The following ZMYM2 variants were observed in gnomAD, a reference collection of about 807,000 sequenced individuals.
ZMYM2 encodes the protein zinc finger MYM-type containing 2.
ZMYM2 carries 56 observed loss-of-function variants against 162.8 expected under a neutral mutation model. The ratio of observed to expected loss-of-function variants is 0.34; its 90% CI spans 0.28 to 0.43. ZMYM2 has a LOEUF of 0.43. Among genes scored for constraint, ZMYM2 ranks in the 20% least tolerant of loss-of-function variants. The probability of loss-of-function intolerance (pLI) is 1.00; values close to 1 mark genes in which losing one functional copy is unlikely to be tolerated. For synonymous variants in ZMYM2, 510 were observed against 541.6 expected (o/e 0.94, Z 0.81); for missense variants, 1,275 against 1,621.8 (o/e 0.79, Z 3.67).
intron 2 of ZMYM2, among the ~76,000 whole-genome samples, chr13:19,982,318 C>T (rs917861941): frequency 1.8e-5 from 2 of 114,194 alleles, no homozygotes; most frequent in Admixed American, 1.4e-4. Context: ...GACAGAGTCT[C>T]GCTCTGTCAC....
Position 20,056,483 on chromosome 13 carries a change from C to T in ZMYM2, c.2494-2092C>T, listed in dbSNP as rs182830011. ...AGACAGGGCATTTTAAAGGCTTTCA[C>T]GGTGTACCACATGAGGGAGCTTTGT... On this transcript the variant is annotated intron_variant, in intron 14 of 24. Transcript: ENST00000610343. Among the ~76,000 whole-genome samples the T allele has an allele frequency of 2.6e-3, 389 of 152,250 alleles. 1 individual carries two copies. Among genetic ancestry groups the T allele is most frequent in the Middle Eastern group, 6.8e-3 (2 of 294 alleles).
upstream of ZMYM2, among the ~76,000 whole-genome samples, chr13:19,955,343 G>A (rs906400799): frequency 7.9e-5 from 12 of 152,020 alleles, no homozygotes; most frequent in African/African-American, 2.2e-4. Flanking sequence ...ATGTATGCTC[G>A]TTTCACCCCC....
the ZMYM2 span, among the ~76,000 whole-genome samples, chr13:19,871,540 A>T: frequency 3.3e-5 from 5 of 152,030 alleles, no homozygotes; most frequent in African/African-American, 9.7e-5. Context: ...TGGGACTACA[A>T]GCACGTGCCA....
At chr13:19,922,723 A>C in the ZMYM2 span, among the ~76,000 whole-genome samples, 12 of 152,114 alleles carry the variant, frequency 7.9e-5, no homozygotes, top group Non-Finnish European at 1.2e-4. Context: ...GGGCGCCTGT[A>C]GTCCCAGCTA....
intron 16 of ZMYM2, among the ~76,000 whole-genome samples, chr13:20,060,556 T>TA (rs1956153697): frequency 6.6e-6 from 1 of 152,038 alleles, no homozygotes; most frequent in Admixed American, 6.6e-5. Context: ...CACATGCCTG[T>TA]AATCCCAGCT....
chr13:20,066,167 T>G (rs1400933532), intron 19 of ZMYM2, among the ~76,000 whole-genome samples: 1 of 152,240 alleles, frequency 6.6e-6, no homozygotes, highest in African/African-American at 2.4e-5. Context: ...TTTTTTCTTT[T>G]CTAATTTCAT....
intron 3 of ZMYM2, among the ~76,000 whole-genome samples, chr13:19,997,210 A>T (rs749182278): frequency 6.6e-6 from 1 of 152,160 alleles, no homozygotes; most frequent in Non-Finnish European, 1.5e-5. Context: ...ATAAGTTTTA[A>T]TGGCTACACA....
chr13:19,997,725 ATGT>A (rs773918080), intron 3 of ZMYM2, among the ~76,000 whole-genome samples: 15 of 152,160 alleles, frequency 9.9e-5, no homozygotes, highest in South Asian at 4.1e-4. Context: ...AAAGAAAATA[ATGT>A]TGTCTTACCG....
chr13:19,886,881 C>T, the ZMYM2 span, among the ~76,000 whole-genome samples: 202 of 151,488 alleles, frequency 1.3e-3, 5 homozygotes, highest in African/African-American at 4.5e-3. Context: ...TGGCTGGTCT[C>T]GGACTCTTGG....
chr13:19,987,770 C>T (rs970590603), intron 2 of ZMYM2, among the ~76,000 whole-genome samples: 3 of 151,682 alleles, frequency 2.0e-5, no homozygotes, highest in South Asian at 2.1e-4. Flanking sequence ...CGTGAGCCAC[C>T]GTGCCCAGCC....
At chr13:19,922,337 C>T in the ZMYM2 span, among the ~76,000 whole-genome samples, 1 of 152,088 alleles carries the variant, frequency 6.6e-6, no homozygotes, top group Admixed American at 6.6e-5. Context: ...CATGGTTAAG[C>T]TATAGGGTGA....
chr13:19,950,089 T>C, the ZMYM2 span, among the ~76,000 whole-genome samples: 9 of 151,638 alleles, frequency 5.9e-5, no homozygotes, highest in Non-Finnish European at 1.3e-4. Context: ...CCTGGACTGT[T>C]AACATAGTGA....
chr13:20,056,295 TC>T (rs1379034014), intron 14 of ZMYM2, among the ~76,000 whole-genome samples: 1 of 152,196 alleles, frequency 6.6e-6, no homozygotes. Context: ...TTTCATTGCT[TC>T]ATCCTAGAAG....
upstream of ZMYM2, among the ~76,000 whole-genome samples, chr13:19,954,126 A>ATTTATTTTTTTTTTTTTTTTTT (rs1954471705): frequency 1.5e-5 from 1 of 64,880 alleles, no homozygotes; most frequent in Non-Finnish European, 3.0e-5. Flanking sequence ...GCTATGTTTA[A>ATTTATTTTTTTTTTTTTTTTTT]TTTTTTTTTT....
chr13:19,949,114 A>AC, the ZMYM2 span, among the ~76,000 whole-genome samples: 1 of 151,518 alleles, frequency 6.6e-6, no homozygotes, highest in East Asian at 1.9e-4. Context: ...AAAAAAAAAA[A>AC]CTACAAAAAT....
At chr13:19,920,742 GTA>G in the ZMYM2 span, among the ~76,000 whole-genome samples, 4 of 10,098 alleles carry the variant, frequency 4.0e-4, no homozygotes, top group East Asian at 5.4e-3. Context: ...ATGTGTGTAT[GTA>G]TGTATGTATG....
the ZMYM2 span, among the ~76,000 whole-genome samples, chr13:19,900,340 G>A: frequency 2.0e-5 from 3 of 151,950 alleles, no homozygotes; most frequent in African/African-American, 7.3e-5. Flanking sequence ...ATAGATAACC[G>A]ATATAAAATG....
intron 6 of ZMYM2, among the ~76,000 whole-genome samples, chr13:20,009,160 A>G (rs1028859355): frequency 6.6e-6 from 1 of 152,182 alleles, no homozygotes; most frequent in Non-Finnish European, 1.5e-5. Flanking sequence ...AAAATGTTGA[A>G]CCTAGATTAA....
chr13:19,979,171 T>C (rs912127489), intron 2 of ZMYM2, among the ~76,000 whole-genome samples: 1 of 152,192 alleles, frequency 6.6e-6, no homozygotes, highest in Non-Finnish European at 1.5e-5. Flanking sequence ...GTCTCTTCTT[T>C]TTTGCTGCTT....
Sources: gnomAD v4.1 joint callset for allele counts (sites outside exome capture counted in the v4.1 genomes callset) on GRCh38, gnomAD v4.1.1 for gene constraint, MANE v1.5 for transcripts, NCBI Gene and HGNC (gene_info 2026-07-23, HGNC 2026-07-21) for gene names.